The following GPC5 variants were observed in gnomAD, a reference collection of about 807,000 sequenced individuals.
GPC5 encodes the protein glypican-5.
GPC5 carries 47 observed loss-of-function variants against 53.9 expected under a neutral mutation model. The observed-to-expected ratio is 0.87, with a 90% CI of 0.69 to 1.11. The LOEUF (loss-of-function observed/expected upper bound fraction) is 1.11, where lower values mean the gene tolerates loss of function less well. Among genes scored for constraint, GPC5 ranks in the 50% most tolerant of loss-of-function variants. The pLI, the probability that GPC5 is intolerant of heterozygous loss-of-function variation, is 0.00. For missense variants in GPC5, 748 were observed against 713.1 expected (o/e 1.05, Z -0.56); for synonymous variants, 286 against 263.3 (o/e 1.09, Z -0.84).
At chr13:91,583,515 C>T (rs1228272680) in intron 2 of GPC5, among the ~76,000 whole-genome samples, 1 of 152,082 alleles carries the variant, frequency 6.6e-6, no homozygotes, top group Admixed American at 6.6e-5. Flanking sequence ...ATACCTAGTA[C>T]TGATCATATT....
chr13:92,065,959 AAC>A (rs1353396951), intron 6 of GPC5, among the ~76,000 whole-genome samples: 1 of 152,132 alleles, frequency 6.6e-6, no homozygotes, highest in Non-Finnish European at 1.5e-5. Flanking sequence ...AGATAATGGT[AAC>A]AATATTCAAC....
At position 92,203,660 on chromosome 13, in the gene GPC5, AAAT is replaced by A. The variant is rs1183659107; in HGVS notation, c.1561+58674_1561+58676del. ...AATAAAAAAATATATATATATAAAA[AAAT>A]AAATAAATAAAACCAAAATAATCTC... On this transcript the variant is annotated intron_variant, in intron 7 of 7. Coordinates refer to ENST00000377067, the MANE Select transcript of GPC5 (RefSeq NM_004466.6). 2.0e-4 allele frequency among the ~76,000 whole-genome samples: 21 copies of A among 106,680 alleles called. No homozygotes were observed. The South Asian group carries it at 2.4e-3, about 12-fold the overall frequency. 70.0% of individuals were successfully genotyped at this position (106,680 alleles called of 152,430 possible). A position where few individuals can be genotyped will look rare whatever the true frequency, so the allele number is the denominator to read the frequency against.
intron 2 of GPC5, among the ~76,000 whole-genome samples, chr13:91,628,272 TAA>T (rs1439584222): frequency 6.6e-6 from 1 of 152,046 alleles, no homozygotes; most frequent in Non-Finnish European, 1.5e-5. Context: ...TTTTTTCCAT[TAA>T]GTTATCACAA....
At chr13:91,464,647 A>G (rs1005388095) in intron 2 of GPC5, among the ~76,000 whole-genome samples, 2 of 152,162 alleles carry the variant, frequency 1.3e-5, no homozygotes, top group Admixed American at 1.3e-4. Context: ...GAGATGGAGA[A>G]AGATAAGTTG....
chr13:92,493,086 T>C (rs1391958282), intron 7 of GPC5, among the ~76,000 whole-genome samples: 1 of 152,228 alleles, frequency 6.6e-6, no homozygotes, highest in Admixed American at 6.5e-5. Flanking sequence ...TGTTCCTTCT[T>C]AACACAGACT....
At chr13:92,688,079 T>A (rs1404834760) in intron 7 of GPC5, among the ~76,000 whole-genome samples, 2 of 88,442 alleles carry the variant, frequency 2.3e-5, no homozygotes, top group Middle Eastern at 4.3e-3. Context: ...GCTGGGCTCA[T>A]AAAATGAGTT....
chr13:92,566,312 C>T (rs16947802), intron 7 of GPC5, among the ~76,000 whole-genome samples: 1 of 151,950 alleles, frequency 6.6e-6, no homozygotes, highest in Non-Finnish European at 1.5e-5. Context: ...GAGTAAAAAT[C>T]AAAATGTTTG....
At chr13:92,763,896 G>A (rs541370188) in intron 7 of GPC5, among the ~76,000 whole-genome samples, 13 of 152,222 alleles carry the variant, frequency 8.5e-5, no homozygotes, top group South Asian at 4.1e-4. Flanking sequence ...GCAGAGTCCA[G>A]CTCAGCTCCC....
chr13:92,806,609 A>G (rs1877109696), intron 7 of GPC5, among the ~76,000 whole-genome samples: 1 of 151,962 alleles, frequency 6.6e-6, no homozygotes, highest in African/African-American at 2.4e-5. Flanking sequence ...CACCTAGAGG[A>G]TATTTTAGGG....
intron 7 of GPC5, among the ~76,000 whole-genome samples, chr13:92,769,550 C>A (rs753311153): frequency 6.6e-6 from 1 of 151,934 alleles, no homozygotes; most frequent in African/African-American, 2.4e-5. Flanking sequence ...CCAACCTGGG[C>A]AACATGGTGA....
Position 92,116,270 on chromosome 13 carries a change from CAAAAA to C in GPC5, c.1402-28551_1402-28547del, listed in dbSNP as rs56168628. On this transcript the variant is annotated intron_variant, in intron 6 of 7. Transcript: ENST00000377067. ...CTCAAAAAACAAACAAACAAACAAA[CAAAAA>C]AAAAAAAACAGTGCAGGCACTTATG... 2.4e-3 allele frequency among the ~76,000 whole-genome samples: 352 copies of C among 149,442 alleles called. 3 individuals carry two copies. The highest frequency in any genetic ancestry group is 0.012 in the South Asian group (58 of 4,732).
intron 6 of GPC5, among the ~76,000 whole-genome samples, chr13:91,937,946 A>G (rs747748308): frequency 1.3e-5 from 2 of 152,052 alleles, no homozygotes; most frequent in African/African-American, 2.4e-5. Context: ...ATATGTAAGT[A>G]TGTTGATATT....
At chr13:92,530,368 C>T (rs1439063937) in intron 7 of GPC5, among the ~76,000 whole-genome samples, 1 of 152,172 alleles carries the variant, frequency 6.6e-6, no homozygotes, top group Non-Finnish European at 1.5e-5. Flanking sequence ...TGTAGTGCCA[C>T]TGCCATCCAC....
chr13:92,819,962 A>G (rs1214593112), intron 7 of GPC5, among the ~76,000 whole-genome samples: 1 of 152,064 alleles, frequency 6.6e-6, no homozygotes, highest in Non-Finnish European at 1.5e-5. Flanking sequence ...ACTTTTCCTA[A>G]TCTCCATTAC....
intron 2 of GPC5, among the ~76,000 whole-genome samples, chr13:91,679,615 C>CAA (rs1439542207): frequency 6.6e-6 from 1 of 152,132 alleles, no homozygotes; most frequent in African/African-American, 2.4e-5. Flanking sequence ...CAATGGTGAG[C>CAA]AAAACTGCTG....
At chr13:92,595,767 C>CA (rs35255458) in intron 7 of GPC5, among the ~76,000 whole-genome samples, 8,259 of 93,344 alleles carry the variant, frequency 0.088, 718 homozygotes, top group African/African-American at 0.2. Flanking sequence ...GACTCTGTCT[C>CA]AAAAAAAAAA....
chr13:92,634,820 C>A (rs1885361550), intron 7 of GPC5, among the ~76,000 whole-genome samples: 1 of 151,888 alleles, frequency 6.6e-6, no homozygotes, highest in African/African-American at 2.4e-5. Context: ...AGCTTTAATT[C>A]TTTTCTCCGT....
At chr13:91,493,415 G>T (rs1050017288) in intron 2 of GPC5, among the ~76,000 whole-genome samples, 50 of 152,186 alleles carry the variant, frequency 3.3e-4, no homozygotes, top group African/African-American at 9.9e-4. Context: ...TTACTCTGTT[G>T]TTCTATAAAA....
intron 5 of GPC5, among the ~76,000 whole-genome samples, chr13:91,865,227 C>G (rs1476694723): frequency 6.6e-6 from 1 of 152,050 alleles, no homozygotes; most frequent in African/African-American, 2.4e-5. Context: ...TCTTAATTTT[C>G]AAAGTAAAAT....
Sources: gnomAD v4.1 joint callset for allele counts (sites outside exome capture counted in the v4.1 genomes callset) on GRCh38, gnomAD v4.1.1 for gene constraint, MANE v1.5 for transcripts, NCBI Gene and HGNC (gene_info 2026-07-23, HGNC 2026-07-21) for gene names.